Variants in CACNG8 observed in about 807,000 individuals in gnomAD.
The protein encoded by CACNG8 is voltage-dependent calcium channel gamma-8 subunit.
Under a neutral mutation model 26.9 loss-of-function variants are expected in CACNG8, and 5 were observed. That is an observed-to-expected ratio of 0.19 (90% CI 0.10 to 0.39). The LOEUF (loss-of-function observed/expected upper bound fraction) is 0.39, where lower values mean the gene tolerates loss of function less well. Among genes scored for constraint, CACNG8 ranks in the 10% least tolerant of loss-of-function variants. The pLI is 1.00. For missense variants in CACNG8, 473 were observed against 609.4 expected, an observed-to-expected ratio of 0.78 and a Z score of 2.36; for synonymous variants, 321 against 296.7, an observed-to-expected ratio of 1.08 and a Z score of -0.84.
intron 1 of CACNG8, among the ~76,000 whole-genome samples, chr19:53,973,568 T>C (rs1362533368): frequency 6.6e-6 from 1 of 151,432 alleles, no homozygotes; most frequent in African/African-American, 2.4e-5. Context: ...GGCTTACCCC[T>C]GTACTCCCAG....
In CACNG8 at chr19:53,982,326, G is replaced by A; in HGVS notation, c.755G>A (p.Ser252Asn). 3 of 1,581,824 alleles carry A rather than the reference G, an allele frequency of 1.9e-6. No homozygotes were observed. The highest frequency in any genetic ancestry group is 1.7e-6 in the Non-Finnish European group (2 of 1,166,860). The change falls in exon 4 of 4, where the codon AGT becomes AAT. Residue 252 changes from serine to asparagine, a missense_variant. Physicochemically the swap from Ser to Asn is conservative, Grantham distance 46. Around this residue, in one of 6 missense-constraint regions of CACNG8, gnomAD observed 155 missense variants for 253.0 expected, o/e 0.61. Transcript: ENST00000270458. This position sits in a 1 kb window ranked among gnomAD's most constrained non-coding sequence, Gnocchi z 8.4. ...AAGGCCGGCGGGGGCGCGGGCGGCA[G>A]TGGCGGGAGCGGCCCCTCGGCCATC...
chr19:53,966,982 A>G (rs1007953287), intron 1 of CACNG8, among the ~76,000 whole-genome samples: 1 of 152,144 alleles, frequency 6.6e-6, no homozygotes, highest in African/African-American at 2.4e-5. Context: ...GAGAAGAGCC[A>G]GGGGCGTCTC....
chr19:53,967,832 GA>G (rs927946031), intron 1 of CACNG8, among the ~76,000 whole-genome samples: 9 of 150,908 alleles, frequency 6.0e-5, no homozygotes, highest in Non-Finnish European at 1.0e-4. Flanking sequence ...GAGACTCTAA[GA>G]AAAAAAAACT....
chr19:53,969,022 G>A (rs1406283495), intron 1 of CACNG8, among the ~76,000 whole-genome samples: 2 of 151,896 alleles, frequency 1.3e-5, no homozygotes, highest in East Asian at 1.9e-4. Flanking sequence ...TTTTGTTTTC[G>A]AGACAGATTC....
rs1351555793 is a variant in CACNG8 at position 53,982,609 on chromosome 19, C to G, written c.1038C>G (p.Gly346=). ...GCGCGGCCGGGGGCGCCGGGGGCGG[C>G]GGCGGAGGCGGCGGCGGGGCGGGTG... The change falls in exon 4 of 4, where the codon GGC becomes GGG. Residue 346 remains glycine (G), a synonymous_variant. Transcript: ENST00000270458. This position sits in a 1 kb window ranked among gnomAD's most constrained non-coding sequence, Gnocchi z 8.4. 3.1e-6 allele frequency: 3 copies of G among 974,576 alleles called. No homozygotes were observed. The highest frequency in any genetic ancestry group is 1.3e-4 in the Admixed American group (2 of 15,788). 60.4% of individuals were successfully genotyped at this position (974,576 alleles called of 1,614,324 possible).
At chr19:53,978,649 G>T (rs1235229167) in intron 2 of CACNG8, among the ~76,000 whole-genome samples, 1 of 150,932 alleles carries the variant, frequency 6.6e-6, no homozygotes, top group East Asian at 2.0e-4. Flanking sequence ...CCCCGAGAAC[G>T]CGGCAAATCC....
chr19:53,974,405 C>T (rs2069319090), intron 1 of CACNG8, among the ~76,000 whole-genome samples: 1 of 152,138 alleles, frequency 6.6e-6, no homozygotes, highest in African/African-American at 2.4e-5. Flanking sequence ...GTGAAAAATG[C>T]TACTATGAAC....
chr19:53,972,780 TG>T (rs2069310325), intron 1 of CACNG8, among the ~76,000 whole-genome samples: 1 of 152,184 alleles, frequency 6.6e-6, no homozygotes, highest in South Asian at 2.1e-4. Context: ...ACCACGCAGC[TG>T]GGAAGTGGTA....
intron 1 of CACNG8, among the ~76,000 whole-genome samples, chr19:53,968,094 G>T (rs2069281465): frequency 6.6e-6 from 1 of 151,018 alleles, no homozygotes; most frequent in Non-Finnish European, 1.5e-5. Flanking sequence ...AGAAGAGACA[G>T]TTGGGTGCAG....
At chr19:53,970,453 C>T (rs528836834) in intron 1 of CACNG8, among the ~76,000 whole-genome samples, 29 of 150,228 alleles carry the variant, frequency 1.9e-4, no homozygotes, top group African/African-American at 7.1e-4. Flanking sequence ...GGTGAAACCC[C>T]GTCTCTACTA....
In CACNG8 at chr19:53,970,205, A is replaced by G. The variant is rs189790330; in HGVS notation, c.283+6780A>G. On this transcript the variant is annotated intron_variant, in intron 1 of 3. Coordinates refer to ENST00000270458, the MANE Select transcript of CACNG8 (RefSeq NM_031895.6). ...GTGGCGGGCGCCTGTGGTCCCAGCT[A>G]CTTGGGAGGCTGAGGCAGGAGAATC... 3.8e-3 allele frequency among the ~76,000 whole-genome samples: 573 copies of G among 152,316 alleles called. 11 individuals carry two copies. The highest frequency in any genetic ancestry group is 0.013 in the African/African-American group (549 of 41,582).
chr19:53,976,821 CG>C (rs2069332923), intron 1 of CACNG8, among the ~76,000 whole-genome samples: 1 of 152,040 alleles, frequency 6.6e-6, no homozygotes. Flanking sequence ...TACAGGCACC[CG>C]CCACCATGCC....
rs1021609019 is a variant in CACNG8 at position 53,983,989 on chromosome 19, A to G, written c.*1140A>G. On this transcript the variant is annotated 3_prime_UTR_variant, in exon 4 of 4. Coordinates refer to ENST00000270458, the MANE Select transcript of CACNG8 (RefSeq NM_031895.6). ...CAGGACGCTAACGTGAATGGTGTACAAAGGGAAGACAGGAACTCGGAGGCA... is the reference window on the plus strand; with the variant it reads ...CAGGACGCTAACGTGAATGGTGTACGAAGGGAAGACAGGAACTCGGAGGCA... The G allele has an allele frequency of 2.0e-5, 3 of 152,392 alleles. No homozygotes were observed. Among genetic ancestry groups the G allele is most frequent in the African/African-American group, 7.2e-5 (3 of 41,450 alleles). The allele number at this position is 152,392 out of a possible 1,614,324, so 9.4% of individuals were successfully genotyped here.
chr19:53,975,591 G>A (rs1373238828), intron 1 of CACNG8, among the ~76,000 whole-genome samples: 3 of 152,062 alleles, frequency 2.0e-5, no homozygotes, highest in Admixed American at 6.6e-5. Flanking sequence ...TGTTGGCCAG[G>A]CTGGTCTCAA....
rs189556488 is a variant in CACNG8, at chr19:53,966,061, C to T, written c.283+2636C>T. ...TAGGGGTATCAGGGTCCCCATCCCACAGGTTCTGTTTTTTAAAAATTATTT... is the reference window on the plus strand; with the variant it reads ...TAGGGGTATCAGGGTCCCCATCCCATAGGTTCTGTTTTTTAAAAATTATTT... On this transcript the variant is annotated intron_variant, in intron 1 of 3. Coordinates refer to ENST00000270458, the MANE Select transcript of CACNG8 (RefSeq NM_031895.6). Among the ~76,000 whole-genome samples, 406 of 151,908 alleles carry T rather than the reference C, an allele frequency of 2.7e-3. 2 individuals are homozygous for T. Among genetic ancestry groups the T allele is most frequent in the Non-Finnish European group, 2.9e-3 (197 of 67,980 alleles).
intron 1 of CACNG8, among the ~76,000 whole-genome samples, chr19:53,972,142 C>T (rs1459824132): frequency 6.6e-6 from 1 of 151,864 alleles, no homozygotes; most frequent in Non-Finnish European, 1.5e-5. Context: ...TTACAGGCAC[C>T]CATCACCACG....
At chr19:53,966,148 C>T (rs367568435) in intron 1 of CACNG8, among the ~76,000 whole-genome samples, 21 of 151,882 alleles carry the variant, frequency 1.4e-4, no homozygotes, top group African/African-American at 3.4e-4. Flanking sequence ...AGTGCAGTGG[C>T]GTGATCTTGG....
chr19:53,983,572 AT>A lies in CACNG8; in HGVS notation c.*724del, dbSNP rs1320059260. 6.6e-6 allele frequency: 1 copy of A among 152,268 alleles called. No individual in the cohort carries two copies. The highest frequency in any genetic ancestry group is 2.4e-5 in the African/African-American group (1 of 41,454). The allele number at this position is 152,268 out of a possible 1,614,324, so 9.4% of individuals were successfully genotyped here. A position where few individuals can be genotyped will look rare whatever the true frequency, so the allele number is the denominator to read the frequency against. ...AAACAGCCAGGGGCCCCGACGTCTC[AT>A]AGAGTAAACATCTTGTGCATGAGAC... On this transcript the variant is annotated 3_prime_UTR_variant, in exon 4 of 4. Transcript: ENST00000270458.
chr19:53,978,075 T>C (rs1054780316), intron 1 of CACNG8, 71 bp from the exon 2 acceptor site: 43 of 1,037,162 alleles, frequency 4.1e-5, no homozygotes, highest in Admixed American at 7.9e-5. Context: ...GAAGGGTCGG[T>C]TGTCAGTGGG....
Sources: gnomAD v4.1 joint callset for allele counts (sites outside exome capture counted in the v4.1 genomes callset) on GRCh38, gnomAD v4.1.1 for gene constraint, gnomAD v4.1.1 regional missense constraint, Gnocchi (gnomAD v3.1) non-coding constraint, MANE v1.5 for transcripts, NCBI Gene and HGNC (gene_info 2026-07-23, HGNC 2026-07-21) for gene names.